The following SYTL3 variants were observed in gnomAD, a reference collection of about 807,000 sequenced individuals.
SYTL3 encodes the protein synaptotagmin-like protein 3.
In SYTL3, 88 loss-of-function variants were observed where a neutral mutation model predicts 82.1. The ratio of observed to expected loss-of-function variants is 1.07; its 90% CI spans 0.90 to 1.28. The LOEUF (loss-of-function observed/expected upper bound fraction) is 1.28, where lower values mean the gene tolerates loss of function less well. Ranked by LOEUF, SYTL3 falls within the 50% of genes most tolerant of loss-of-function variation. SYTL3 has a pLI of 0.00. For synonymous variants in SYTL3, 311 were observed against 289.4 expected (o/e 1.07, Z -0.76); for missense variants, 831 against 757.6 (o/e 1.10, Z -1.14).
At chr6:158,731,403 A>G (rs1002020520) in intron 11 of SYTL3, among the ~76,000 whole-genome samples, 2 of 151,954 alleles carry the variant, frequency 1.3e-5, no homozygotes, top group Non-Finnish European at 2.9e-5. Context: ...AAGAAAAAAA[A>G]CTCAAGCTAG....
At chr6:158,751,009 TG>T (rs548610667) in intron 12 of SYTL3, among the ~76,000 whole-genome samples, 215 of 152,300 alleles carry the variant, frequency 1.4e-3, no homozygotes, top group African/African-American at 4.9e-3. Flanking sequence ...CTGGCCAGGC[TG>T]GTCTGGAACT....
At position 158,665,472 on chromosome 6, in the gene SYTL3, G is replaced by A. The variant is rs779577734; in HGVS notation, c.188G>A (p.Cys63Tyr). 2 of 1,608,106 alleles carry A rather than the reference G, an allele frequency of 1.2e-6. No homozygotes were observed. The highest frequency in any genetic ancestry group is 1.1e-5 in the South Asian group (1 of 89,798). Residue 63 changes from cysteine (C) to tyrosine (Y), a missense_variant, in exon 5 of 18, where the codon TGT (cysteine) becomes TAT (tyrosine). Transcript: ENST00000611299. ...GACTGGGAGCACAAAGAGAAGTGCT[G>A]TGCGCGCTGCCAGCAGGTGCTGGGG... is the stretch of plus-strand genomic sequence containing the variant. The part of the protein sequence containing the change: ...NTDWEHKEKC[C>Y]ARCQQVLGFL...
chr6:158,763,636 T>A, intron 17 of SYTL3, 127 bp downstream of exon 17: 1 of 745,670 alleles, frequency 1.3e-6, no homozygotes, highest in Non-Finnish European at 2.3e-6. Flanking sequence ...CTGCCTTAAT[T>A]GGAAATGCCT....
rs148224399 is a variant in SYTL3, at chr6:158,728,531, A to G, written c.855+2894A>G. On this transcript the variant is annotated intron_variant, in intron 11 of 17. Coordinates refer to ENST00000611299, the MANE Select transcript of SYTL3 (RefSeq NM_001242394.2). ...TCTTTGTAGTAAGTCTTGAAGTTGG[A>G]TATTATAAGTCTTCCAATTTGGTTC... Among the ~76,000 whole-genome samples the G allele has an allele frequency of 2.9e-3, 446 of 152,312 alleles. 2 individuals carry two copies. Among genetic ancestry groups the G allele is most frequent in the African/African-American group, 8.7e-3 (361 of 41,564 alleles).
intron 2 of SYTL3, among the ~76,000 whole-genome samples, chr6:158,659,310 A>C (rs1789077257): frequency 6.6e-6 from 1 of 152,192 alleles, no homozygotes; most frequent in African/African-American, 2.4e-5. Flanking sequence ...ATCTTCTGCC[A>C]AGCCAGAAGG....
intron 6 of SYTL3, among the ~76,000 whole-genome samples, chr6:158,689,219 T>C (rs1238178153): frequency 6.6e-6 from 1 of 152,218 alleles, no homozygotes; most frequent in Non-Finnish European, 1.5e-5. Context: ...GAGAACAAGA[T>C]GAAGGTTAGG....
chr6:158,725,328 TGTGTGTGTGTGTGTGCGC>T (rs1244806031), intron 10 of SYTL3, among the ~76,000 whole-genome samples, 157 bp from the exon 11 acceptor site: 11 of 150,964 alleles, frequency 7.3e-5, no homozygotes, highest in African/African-American at 2.7e-4. Flanking sequence ...TGTGTGTGCG[TGTGTGTGTGTGTGTGCGC>T]ACGTGCACGC....
intron 5 of SYTL3, among the ~76,000 whole-genome samples, chr6:158,677,974 C>T (rs1253608467): frequency 6.6e-6 from 1 of 152,022 alleles, no homozygotes; most frequent in Admixed American, 6.6e-5. Context: ...ACTGTAAATT[C>T]CACCTCCTGG....
At chr6:158,742,144 AATAAAC>A (rs1300150045) in intron 11 of SYTL3, among the ~76,000 whole-genome samples, 1 of 152,242 alleles carries the variant, frequency 6.6e-6, no homozygotes, top group Non-Finnish European at 1.5e-5. Context: ...CATAGTCTAA[AATAAAC>A]ATAAACAGCA....
rs13219175 is a variant in SYTL3 at position 158,700,717 on chromosome 6, T to C, written c.395-6513T>C. Among the ~76,000 whole-genome samples, 1,078 of 152,132 alleles carry C rather than the reference T, an allele frequency of 7.1e-3. 5 individuals carry two copies. Among genetic ancestry groups the C allele is most frequent in the Non-Finnish European group, 0.011 (753 of 67,968 alleles). On this transcript the variant is annotated intron_variant, in intron 6 of 17. Transcript: ENST00000611299. Reference sequence around the variant, plus strand: ...CTGCAAGGTCCGCCTCCTGGGTTCATGCCATTCTCCTGCCTCAGCCTCCTG... The same window carrying C: ...CTGCAAGGTCCGCCTCCTGGGTTCACGCCATTCTCCTGCCTCAGCCTCCTG...
At chr6:158,692,976 G>A (rs1046148318) in intron 6 of SYTL3, among the ~76,000 whole-genome samples, 1 of 151,748 alleles carries the variant, frequency 6.6e-6, no homozygotes, top group Admixed American at 6.6e-5. Flanking sequence ...AAAAGCAGGT[G>A]TCAGTCAATA....
chr6:158,687,872 G>A (rs1313655574), intron 6 of SYTL3, among the ~76,000 whole-genome samples: 2 of 152,188 alleles, frequency 1.3e-5, no homozygotes, highest in African/African-American at 2.4e-5. Context: ...GGGAAACACA[G>A]AATAGTATTT....
chr6:158,705,549 G>A (rs13195020), intron 6 of SYTL3, among the ~76,000 whole-genome samples: 162 of 122,306 alleles, frequency 1.3e-3, no homozygotes, highest in Admixed American at 1.7e-3. Flanking sequence ...AGGGCTGTAA[G>A]GTCACATAGA....
At chr6:158,646,414 C>A (rs1238612257), upstream of SYTL3, among the ~76,000 whole-genome samples, 1 of 152,216 alleles carries the variant, frequency 6.6e-6, no homozygotes, top group Non-Finnish European at 1.5e-5. Context: ...AAGGGATCCT[C>A]CAGCCTCAGC....
At chr6:158,691,074 C>T (rs1204330175) in intron 6 of SYTL3, among the ~76,000 whole-genome samples, 2 of 151,970 alleles carry the variant, frequency 1.3e-5, no homozygotes, top group Non-Finnish European at 2.9e-5. Flanking sequence ...TGGCTAAGGG[C>T]GGTGGCTCAT....
chr6:158,758,436 C>CAA (rs560146235), intron 14 of SYTL3, among the ~76,000 whole-genome samples: 20 of 127,098 alleles, frequency 1.6e-4, no homozygotes, highest in South Asian at 2.4e-4. Context: ...GACTCTGTCT[C>CAA]AAAAAAAAAA....
At chr6:158,731,749 A>T (rs1273189144) in intron 11 of SYTL3, among the ~76,000 whole-genome samples, 4 of 152,070 alleles carry the variant, frequency 2.6e-5, no homozygotes, top group Admixed American at 6.5e-5. Context: ...GCCCGCCACC[A>T]TGCCTGGCTA....
At chr6:158,692,094 A>G (rs943586691) in intron 6 of SYTL3, among the ~76,000 whole-genome samples, 4 of 148,040 alleles carry the variant, frequency 2.7e-5, no homozygotes, top group African/African-American at 9.8e-5. Context: ...CGTCTCTACT[A>G]AAAATACACA....
intron 5 of SYTL3, among the ~76,000 whole-genome samples, chr6:158,681,995 G>T (rs1032457478): frequency 1.3e-5 from 2 of 152,180 alleles, no homozygotes; most frequent in Non-Finnish European, 2.9e-5. Flanking sequence ...GGAGTGCAAT[G>T]GTGCAATCTC....
Sources: gnomAD v4.1 joint callset for allele counts (sites outside exome capture counted in the v4.1 genomes callset) on GRCh38, gnomAD v4.1.1 for gene constraint, MANE v1.5 for transcripts, NCBI Gene and HGNC (gene_info 2026-07-23, HGNC 2026-07-21) for gene names.